Variants in PRKDC observed in about 807,000 individuals in gnomAD.
PRKDC encodes the protein DNA-dependent protein kinase catalytic subunit.
In PRKDC, 82 loss-of-function variants were observed where a neutral mutation model predicts 486.9. The ratio of observed to expected loss-of-function variants is 0.17; its 90% CI spans 0.14 to 0.20. The LOEUF (loss-of-function observed/expected upper bound fraction) is 0.20. PRKDC is among the 10% of genes least tolerant of loss of function. PRKDC has a pLI of 1.00. For synonymous variants in PRKDC, 1,895 were observed against 1,837.0 expected, an observed-to-expected ratio of 1.03 and a Z score of -0.81; for missense variants, 4,504 against 5,038.2, an observed-to-expected ratio of 0.89 and a Z score of 3.21.
At chr8:47,920,952 T>C (rs1402971325) in intron 21 of PRKDC, among the ~76,000 whole-genome samples, 1 of 152,050 alleles carries the variant, frequency 6.6e-6, no homozygotes, top group African/African-American at 2.4e-5. Flanking sequence ...CATACAACTT[T>C]TAAGATTATG....
chr8:47,835,572 G>A (rs1254556708), intron 58 of PRKDC, among the ~76,000 whole-genome samples: 4 of 127,512 alleles, frequency 3.1e-5, no homozygotes, highest in African/African-American at 9.0e-5. Flanking sequence ...AGCCAAGATC[G>A]TGCCACTCAC....
intron 40 of PRKDC, among the ~76,000 whole-genome samples, chr8:47,871,416 G>A (rs565701260): frequency 6.6e-5 from 10 of 152,244 alleles, no homozygotes; most frequent in East Asian, 3.9e-4. Context: ...CTTTACAGGC[G>A]AAGACAGAGT....
intron 54 of PRKDC, among the ~76,000 whole-genome samples, chr8:47,841,675 G>A (rs1039003382): frequency 1.1e-4 from 16 of 152,338 alleles, no homozygotes; most frequent in African/African-American, 2.6e-4. Context: ...AGAGTGAGAC[G>A]TGGGTTTGTG....
chr8:47,922,771 TTTA>T (rs2090092822), intron 21 of PRKDC, among the ~76,000 whole-genome samples: 1 of 152,162 alleles, frequency 6.6e-6, no homozygotes, highest in Non-Finnish European at 1.5e-5. Context: ...GAAATAATGT[TTTA>T]AAGACTTATT....
chr8:47,820,269 C>T (rs1042342552), intron 66 of PRKDC, among the ~76,000 whole-genome samples: 6 of 152,050 alleles, frequency 3.9e-5, no homozygotes, highest in South Asian at 2.1e-4. Flanking sequence ...TAAAATTAGC[C>T]GAGGGCCTGT....
chr8:47,886,287 G>C, intron 35 of PRKDC, 140 bp from the exon 36 acceptor site: 1 of 597,848 alleles, frequency 1.7e-6, no homozygotes, highest in South Asian at 4.0e-5. Context: ...CTGGATTCAA[G>C]CTGAAATTGT....
At chr8:47,932,506 C>T (rs886194145) in intron 16 of PRKDC, among the ~76,000 whole-genome samples, 13 of 152,240 alleles carry the variant, frequency 8.5e-5, no homozygotes, top group Non-Finnish European at 1.5e-4. Context: ...TTTCAGCTAC[C>T]GCGCCAGGCC....
At chr8:47,792,740 C>A (rs1170133268) in intron 74 of PRKDC, among the ~76,000 whole-genome samples, 1 of 152,068 alleles carries the variant, frequency 6.6e-6, no homozygotes, top group African/African-American at 2.4e-5. Context: ...TAGACACCTA[C>A]TATGTACCCA....
At chr8:47,854,493 C>G (rs552364133) in intron 50 of PRKDC, among the ~76,000 whole-genome samples, 1 of 152,236 alleles carries the variant, frequency 6.6e-6, no homozygotes, top group East Asian at 1.9e-4. Context: ...CGCCCGCCAC[C>G]ACACCTGGCT....
intron 68 of PRKDC, among the ~76,000 whole-genome samples, chr8:47,808,908 G>T (rs947336014): frequency 6.6e-6 from 1 of 151,832 alleles, no homozygotes; most frequent in African/African-American, 2.4e-5. Flanking sequence ...ATGGTGGCGT[G>T]AGCCTGTATT....
At chr8:47,954,030 C>T (rs140763856) in intron 5 of PRKDC, 111 bp from the exon 6 acceptor site, 186 of 622,412 alleles carry the variant, frequency 3.0e-4, no homozygotes, top group African/African-American at 2.7e-3. Context: ...ATTGATTTTA[C>T]AGTAAGAGAT....
chr8:47,953,760 A>G, intron 6 of PRKDC, 41 bp from the exon 7 acceptor site: 4 of 1,585,070 alleles, frequency 2.5e-6, no homozygotes, highest in Non-Finnish European at 2.6e-6. Context: ...ACAAGAGAAA[A>G]ACACAACCAC....
At position 47,957,677 on chromosome 8, in the gene PRKDC, A is replaced by AT. The variant is rs568366264; in HGVS notation, c.155-247dup. Among the ~76,000 whole-genome samples the AT allele has an allele frequency of 9.7e-3, 1,448 of 149,416 alleles. 12 individuals are homozygous for AT. The highest frequency in any genetic ancestry group is 0.017 in the Non-Finnish European group (1,143 of 67,150). On this transcript the variant is annotated intron_variant, in intron 1 of 85. Transcript: ENST00000314191. ...AGGTGCCCACCACCATGCCCGGCTAATTTTTTTTTTGTATTTTTAGTAGAG... is the reference window on the plus strand; with the variant it reads ...AGGTGCCCACCACCATGCCCGGCTAATTTTTTTTTTTGTATTTTTAGTAGAG...
intron 15 of PRKDC, 100 bp from the exon 16 acceptor site, chr8:47,933,272 G>C: frequency 1.0e-6 from 1 of 985,228 alleles, no homozygotes; most frequent in Middle Eastern, 3.4e-4. Context: ...GTGCCGGTTT[G>C]GGTATTATGG....
chr8:47,781,635 G>C (rs2086701426), intron 80 of PRKDC, among the ~76,000 whole-genome samples: 1 of 152,064 alleles, frequency 6.6e-6, no homozygotes, highest in Non-Finnish European at 1.5e-5. Flanking sequence ...GTTAATTGTA[G>C]AAAACTTGGA....
intron 66 of PRKDC, 41 bp downstream of exon 66, chr8:47,820,675 ACAC>A: frequency 1.0e-6 from 1 of 961,342 alleles, no homozygotes; most frequent in Non-Finnish European, 1.4e-6. Flanking sequence ...ATATATATAT[ACAC>A]TATATATATA....
chr8:47,928,559 A>T (rs55907834), intron 19 of PRKDC, among the ~76,000 whole-genome samples: 10,597 of 142,808 alleles, frequency 0.074, 388 homozygotes, highest in African/African-American at 0.1. Context: ...TTATTTATTT[A>T]TTTTTTTTTT....
chr8:47,922,755 G>A (rs1035696797), intron 21 of PRKDC, among the ~76,000 whole-genome samples: 3 of 152,108 alleles, frequency 2.0e-5, no homozygotes, highest in Admixed American at 6.5e-5. Flanking sequence ...TACTATATTG[G>A]AAACAGAAAT....
intron 3 of PRKDC, among the ~76,000 whole-genome samples, 182 bp downstream of exon 3, chr8:47,956,977 CCAAAAAAAAAAA>C (rs1451279446): frequency 8.7e-5 from 1 of 11,454 alleles, no homozygotes; most frequent in African/African-American, 1.9e-4. Flanking sequence ...AACTCCTTCT[CCAAAAAAAAAAA>C]AAAAAAAAAA....
Sources: allele counts gnomAD v4.1 joint callset (sites outside exome capture counted in the v4.1 genomes callset), GRCh38; gene constraint gnomAD v4.1.1; transcripts MANE v1.5; gene names NCBI Gene and HGNC (gene_info 2026-07-23, HGNC 2026-07-21).